SLCO1C1: variants seen among roughly 807,000 people sequenced by gnomAD.
The protein encoded by SLCO1C1 is OAT-RP-5.
A neutral mutation model predicts 76.4 loss-of-function variants in SLCO1C1; 70 were observed. That is an observed-to-expected ratio of 0.92 (90% confidence interval 0.76 to 1.12). The LOEUF (loss-of-function observed/expected upper bound fraction) is 1.12. SLCO1C1 is among the 50% of genes most tolerant of loss of function. The pLI, the probability that SLCO1C1 is intolerant of heterozygous loss-of-function variation, is 0.00. For missense variants in SLCO1C1, 912 were observed against 823.8 expected (o/e 1.11, Z -1.31); for synonymous variants, 306 against 286.1 (o/e 1.07, Z -0.70).
Position 20,752,885 on chromosome 12 carries a change from G to A in SLCO1C1, c.*357G>A, listed in dbSNP as rs1385607088. ...TAAAGTAATTTCTGAACTGTGTAAT[G>A]TGTCTAGAGTAAGCAAATACTGCTA... is the stretch of plus-strand genomic sequence containing the variant. On this transcript the variant is annotated 3_prime_UTR_variant, in exon 15 of 15. Coordinates refer to ENST00000266509, the MANE Select transcript of SLCO1C1 (RefSeq NM_017435.5). The A allele has an allele frequency of 6.4e-6, 1 of 156,416 alleles. No homozygotes were observed. Among genetic ancestry groups the A allele is most frequent in the Non-Finnish European group, 1.4e-5 (1 of 70,976 alleles). 9.7% of individuals were successfully genotyped at this position (156,416 alleles called of 1,614,324 possible).
intron 9 of SLCO1C1, among the ~76,000 whole-genome samples, chr12:20,729,112 C>A (rs997991396): frequency 2.0e-5 from 3 of 152,088 alleles, no homozygotes; most frequent in Admixed American, 1.3e-4. Context: ...AGTTTAATTT[C>A]TATCTCACTG....
At chr12:20,720,300 A>T (rs7977890) in intron 7 of SLCO1C1, among the ~76,000 whole-genome samples, 114,847 of 152,142 alleles carry the variant, frequency 0.75, 43,598 homozygotes, top group East Asian at 0.96. Context: ...AAATGTTTTC[A>T]TGCCTGCTAA....
chr12:20,701,616 C>T (rs1034417454), intron 3 of SLCO1C1, among the ~76,000 whole-genome samples, 157 bp downstream of exon 3: 3 of 135,908 alleles, frequency 2.2e-5, no homozygotes, highest in East Asian at 2.2e-4. Flanking sequence ...TCTTATTCTA[C>T]AGGAGAGGCA....
intron 1 of SLCO1C1, among the ~76,000 whole-genome samples, chr12:20,697,939 A>G (rs2120581932): frequency 6.6e-6 from 1 of 152,208 alleles, no homozygotes; most frequent in Middle Eastern, 3.4e-3. Flanking sequence ...TCCTCAAAGA[A>G]TATCCCTTGA....
chr12:20,711,253 T>C, intron 4 of SLCO1C1, 133 bp from the exon 5 acceptor site: 1 of 1,007,848 alleles, frequency 9.9e-7, no homozygotes, highest in Non-Finnish European at 1.4e-6. Context: ...AAACACTGGC[T>C]TGATTTGGTG....
intron 4 of SLCO1C1, among the ~76,000 whole-genome samples, chr12:20,709,493 A>G (rs1946953680): frequency 6.6e-6 from 1 of 152,234 alleles, no homozygotes; most frequent in South Asian, 2.1e-4. Context: ...ATAGTCTTGA[A>G]GCATCATAAC....
At chr12:20,723,281 C>T (rs1472979202) in intron 9 of SLCO1C1, 27 bp downstream of exon 9, 1 of 1,609,388 alleles carries the variant, frequency 6.2e-7, no homozygotes, top group South Asian at 1.1e-5. Flanking sequence ...TTCATGCTTT[C>T]TCAGAGGGAC....
At chr12:20,700,228 T>G (rs1455915737) in intron 2 of SLCO1C1, 1 of 151,954 alleles carries the variant, frequency 6.6e-6, no homozygotes, top group Non-Finnish European at 1.5e-5. Context: ...TTTCTTTACA[T>G]TCTAACCAGT....
rs1223654878 is a variant in SLCO1C1, at chr12:20,753,011, A to C, written c.*483A>C. The C allele has an allele frequency of 6.6e-6, 1 of 152,188 alleles. No homozygotes were observed. Among genetic ancestry groups the C allele is most frequent in the African/African-American group, 2.4e-5 (1 of 41,430 alleles). 9.4% of individuals were successfully genotyped at this position (152,188 alleles called of 1,614,324 possible). On this transcript the variant is annotated 3_prime_UTR_variant, in exon 15 of 15. Coordinates refer to ENST00000266509, the MANE Select transcript of SLCO1C1 (RefSeq NM_017435.5). ...TATTTTAATAATGATCTTAGGATGG[A>C]GCAGAACATGGAGAGGAAGATTTCA...
chr12:20,711,478 T>C lies in SLCO1C1; in HGVS notation c.497T>C (p.Val166Ala). The part of the protein sequence containing the change: ...LESSSQLPVS[V>A]MEKSKSKISN... ...TCAAGCAGTCAATTACCAGTTTCAG[T>C]TATGGAAAAATCAAAATCCAAAATA... Residue 166 changes from valine to alanine, a missense_variant, in exon 5 of 15, where the codon GTT becomes GCT. Coordinates refer to ENST00000266509, the MANE Select transcript of SLCO1C1 (RefSeq NM_017435.5). 6.2e-7 allele frequency: 1 copy of C among 1,613,938 alleles called. No individual in the cohort carries two copies. The highest frequency in any genetic ancestry group is 8.5e-7 in the Non-Finnish European group (1 of 1,179,942).
intron 13 of SLCO1C1, among the ~76,000 whole-genome samples, chr12:20,746,181 C>T (rs185122758): frequency 6.0e-4 from 92 of 152,162 alleles, no homozygotes; most frequent in Admixed American, 1.4e-3. Context: ...AGGAGACTGG[C>T]CTCAAGGTGA....
chr12:20,729,182 T>C (rs1199015111), intron 9 of SLCO1C1, among the ~76,000 whole-genome samples: 5 of 152,124 alleles, frequency 3.3e-5, no homozygotes, highest in Non-Finnish European at 7.4e-5. Flanking sequence ...ACACATCTTA[T>C]ATGATGTGAA....
chr12:20,715,169 G>A lies in SLCO1C1; in HGVS notation c.560G>A (p.Trp187Ter). 3 of 1,614,048 alleles carry A rather than the reference G, an allele frequency of 1.9e-6. No individual in the cohort carries two copies. Among genetic ancestry groups the A allele is most frequent in the Non-Finnish European group, 1.7e-6 (2 of 1,179,938 alleles). Residue 187 changes from tryptophan to a stop codon, truncating the protein, a stop_gained, in exon 6 of 15, where the codon TGG becomes TAG. Coordinates refer to ENST00000266509, the MANE Select transcript of SLCO1C1 (RefSeq NM_017435.5). LOFTEE classifies it high-confidence loss of function. ...GAAGTGGACACTAGCTCTTCCATGT[G>A]GATTTATGTTTTCCTGGGCAATCTT... ...ECEVDTSSSM[W>*]IYVFLGNLLR...
chr12:20,699,732 T>C, intron 2 of SLCO1C1, 27 bp downstream of exon 2: 1 of 1,587,848 alleles, frequency 6.3e-7, no homozygotes, highest in South Asian at 1.2e-5. Flanking sequence ...GTAAATAGTG[T>C]TGATGCTCTT....
chr12:20,711,294 C>T (rs1947084976), intron 4 of SLCO1C1, 92 bp from the exon 5 acceptor site: 1 of 1,408,648 alleles, frequency 7.1e-7, no homozygotes, highest in Admixed American at 2.2e-5. Flanking sequence ...GCAAGCTCAA[C>T]CTGGTACCCT....
At chr12:20,751,943 A>C (rs142273170) in intron 14 of SLCO1C1, among the ~76,000 whole-genome samples, 10 of 152,272 alleles carry the variant, frequency 6.6e-5, no homozygotes, top group Middle Eastern at 3.4e-3. Context: ...TTATCATTCA[A>C]AACTGGGTAC....
Position 20,752,720 on chromosome 12 carries a change from A to G in SLCO1C1, c.*192A>G. 1 of 389,292 alleles carries G rather than the reference A, an allele frequency of 2.6e-6. No homozygotes were observed. Among genetic ancestry groups the G allele is most frequent in the Non-Finnish European group, 4.5e-6 (1 of 221,548 alleles). The allele number at this position is 389,292 out of a possible 1,614,324, so 24.1% of individuals were successfully genotyped here. On this transcript the variant is annotated 3_prime_UTR_variant, in exon 15 of 15. Coordinates refer to ENST00000266509, the MANE Select transcript of SLCO1C1 (RefSeq NM_017435.5). ...TATAATGGAAGATGCAGATGATAAA[A>G]CTAATTTTGAACTTTTTAATTTATA...
chr12:20,719,767 G>T (rs1490334993), intron 7 of SLCO1C1, among the ~76,000 whole-genome samples: 1 of 152,212 alleles, frequency 6.6e-6, no homozygotes, highest in Non-Finnish European at 1.5e-5. Context: ...TTTTAGGAAA[G>T]AAGCTGTCTC....
chr12:20,740,074 TCCTC>T (rs1271208814), intron 11 of SLCO1C1, 106 bp from the exon 12 acceptor site: 1 of 1,059,224 alleles, frequency 9.4e-7, no homozygotes, highest in East Asian at 2.6e-5. Context: ...AAAGAATATT[TCCTC>T]ATTGTTTACA....
Sources: gnomAD v4.1 joint callset for allele counts (sites outside exome capture counted in the v4.1 genomes callset) on GRCh38, gnomAD v4.1.1 for gene constraint, MANE v1.5 for transcripts, NCBI Gene and HGNC (gene_info 2026-07-23, HGNC 2026-07-21) for gene names.